The following CCSER1 variants were observed in gnomAD, a reference collection of about 807,000 sequenced individuals.
CCSER1 encodes the protein serine-rich coiled-coil domain-containing protein 1.
Under a neutral mutation model 82.0 loss-of-function variants are expected in CCSER1, and 41 were observed. That is an observed-to-expected ratio of 0.50 (90% confidence interval 0.39 to 0.65). The LOEUF (loss-of-function observed/expected upper bound fraction) is 0.65. CCSER1 is among the 30% of genes least tolerant of loss of function. The probability of loss-of-function intolerance (pLI) is 0.00; values close to 1 mark genes in which losing one functional copy is unlikely to be tolerated. For synonymous variants in CCSER1, 414 were observed against 383.9 expected, an observed-to-expected ratio of 1.08 and a Z score of -0.92; for missense variants, 1,119 against 1,064.2, an observed-to-expected ratio of 1.05 and a Z score of -0.72.
chr4:90,302,478 A>C (rs1461799424), intron 1 of CCSER1, among the ~76,000 whole-genome samples: 1 of 152,122 alleles, frequency 6.6e-6, no homozygotes, highest in African/African-American at 2.4e-5. Context: ...CCAAATCTCC[A>C]AAGGTCTTGA....
chr4:91,579,826 A>T (rs1392280999), intron 10 of CCSER1, among the ~76,000 whole-genome samples: 1 of 151,862 alleles, frequency 6.6e-6, no homozygotes, highest in Admixed American at 6.6e-5. Context: ...AGCAGTCTTT[A>T]CTTTTCCTTT....
At chr4:91,561,414 C>T (rs932981970) in intron 10 of CCSER1, among the ~76,000 whole-genome samples, 1 of 151,400 alleles carries the variant, frequency 6.6e-6, no homozygotes, top group African/African-American at 2.4e-5. Flanking sequence ...TGGGCTGCCT[C>T]TACTCATGAT....
At chr4:91,060,045 A>C (rs1193276484) in intron 9 of CCSER1, among the ~76,000 whole-genome samples, 1 of 152,092 alleles carries the variant, frequency 6.6e-6, no homozygotes, top group Non-Finnish European at 1.5e-5. Flanking sequence ...ATGGTCCTAT[A>C]ACAAACTCCT....
chr4:90,128,494 C>CGTGTGTGT lies in CCSER1; in HGVS notation c.-42+679_-42+686dup, dbSNP rs147426828. Reference sequence around the variant, plus strand: ...AGCGTCAAGGGCCCCAGGTTGTGTGCGTGTGTGTGTGTGTGTGTGTGTGCG... The same window carrying CGTGTGTGT: ...AGCGTCAAGGGCCCCAGGTTGTGTGCGTGTGTGTGTGTGTGTGTGTGTGTGTGTGTGCG... On this transcript the variant is annotated intron_variant, in intron 1 of 10. Transcript: ENST00000509176. 2.7e-3 allele frequency among the ~76,000 whole-genome samples: 409 copies of CGTGTGTGT among 150,062 alleles called. 3 individuals carry two copies. Among genetic ancestry groups the CGTGTGTGT allele is most frequent in the Middle Eastern group, 0.014 (4 of 294 alleles).
At chr4:91,302,043 T>A (rs11721694) in intron 10 of CCSER1, among the ~76,000 whole-genome samples, 1 of 151,870 alleles carries the variant, frequency 6.6e-6, no homozygotes, top group African/African-American at 2.4e-5. Context: ...TGACACATAT[T>A]GCTTAATAAT....
chr4:91,157,580 A>G (rs1025774214), intron 10 of CCSER1, among the ~76,000 whole-genome samples: 4 of 152,104 alleles, frequency 2.6e-5, no homozygotes, highest in East Asian at 1.9e-4. Context: ...ATACAATGTG[A>G]TTCAACAAGT....
At chr4:90,815,726 T>C (rs1561187222) in intron 7 of CCSER1, 36 bp from the exon 8 acceptor site, 1 of 1,478,834 alleles carries the variant, frequency 6.8e-7, no homozygotes, top group Admixed American at 2.0e-5. Flanking sequence ...GTAAAAGGGC[T>C]AAGCCTATTA....
intron 10 of CCSER1, among the ~76,000 whole-genome samples, chr4:91,513,656 T>C (rs1759947307): frequency 6.6e-6 from 1 of 152,182 alleles, no homozygotes; most frequent in Non-Finnish European, 1.5e-5. Flanking sequence ...TATTGGTGTA[T>C]TCAGGGTTTC....
intron 8 of CCSER1, among the ~76,000 whole-genome samples, chr4:90,858,699 C>A (rs933395278): frequency 6.6e-6 from 1 of 151,786 alleles, no homozygotes; most frequent in East Asian, 1.9e-4. Context: ...TGGTCACAGA[C>A]GCAACAAAGC....
chr4:91,105,908 T>G (rs1239910217), intron 10 of CCSER1, among the ~76,000 whole-genome samples: 1 of 152,134 alleles, frequency 6.6e-6, no homozygotes, highest in African/African-American at 2.4e-5. Context: ...ACATGAACAT[T>G]TATATGTTTT....
intron 10 of CCSER1, among the ~76,000 whole-genome samples, chr4:91,421,643 T>C (rs1560657971): frequency 6.6e-6 from 1 of 152,132 alleles, no homozygotes; most frequent in African/African-American, 2.4e-5. Context: ...CCCACTCAAG[T>C]TGACGCATAA....
chr4:90,337,891 G>A (rs1485324853), intron 3 of CCSER1, among the ~76,000 whole-genome samples: 1 of 152,078 alleles, frequency 6.6e-6, no homozygotes, highest in Non-Finnish European at 1.5e-5. Context: ...TTCATTGTCT[G>A]GCTGGGATTT....
intron 4 of CCSER1, among the ~76,000 whole-genome samples, chr4:90,427,147 CT>C (rs1364560609): frequency 2.0e-5 from 3 of 151,924 alleles, no homozygotes; most frequent in Non-Finnish European, 4.4e-5. Flanking sequence ...GTGTTTTTCC[CT>C]AGTGGAAACT....
chr4:91,456,075 C>G (rs1180130530), intron 10 of CCSER1, among the ~76,000 whole-genome samples: 1 of 151,994 alleles, frequency 6.6e-6, no homozygotes, highest in Non-Finnish European at 1.5e-5. Context: ...TCTTGTAAAC[C>G]TGTGAGAAAT....
chr4:90,425,384 C>T (rs923333645), intron 4 of CCSER1, among the ~76,000 whole-genome samples: 1 of 152,062 alleles, frequency 6.6e-6, no homozygotes, highest in Admixed American at 6.6e-5. Flanking sequence ...CTGGACTTTA[C>T]TCAGTTTCTT....
chr4:91,426,506 TAA>T (rs552289843), intron 10 of CCSER1, among the ~76,000 whole-genome samples: 1 of 144,252 alleles, frequency 6.9e-6, no homozygotes, highest in Non-Finnish European at 1.5e-5. Flanking sequence ...GACCACGATT[TAA>T]AAAAAAAAAG....
chr4:90,372,639 ACT>A (rs1386345952), intron 3 of CCSER1, among the ~76,000 whole-genome samples: 1 of 152,042 alleles, frequency 6.6e-6, no homozygotes, highest in Non-Finnish European at 1.5e-5. Context: ...AATCCTAGCT[ACT>A]CAGGAGGCTG....
intron 4 of CCSER1, among the ~76,000 whole-genome samples, chr4:90,464,399 A>G (rs1051835439): frequency 1.3e-4 from 20 of 152,342 alleles, no homozygotes; most frequent in African/African-American, 4.6e-4. Flanking sequence ...GGCCTGAATC[A>G]TCCTTTTCTT....
chr4:90,709,582 A>C (rs552144069), intron 6 of CCSER1, among the ~76,000 whole-genome samples: 34 of 151,940 alleles, frequency 2.2e-4, no homozygotes, highest in African/African-American at 8.0e-4. Flanking sequence ...ATGGCTTTCA[A>C]CTCCATCCAT....
Sources: gnomAD v4.1 joint callset for allele counts (sites outside exome capture counted in the v4.1 genomes callset) on GRCh38, gnomAD v4.1.1 for gene constraint, MANE v1.5 for transcripts, NCBI Gene and HGNC (gene_info 2026-07-23, HGNC 2026-07-21) for gene names.